PDGFD: variants seen among roughly 807,000 people sequenced by gnomAD.
PDGFD encodes the protein platelet-derived growth factor D.
A neutral mutation model predicts 44.7 loss-of-function variants in PDGFD; 30 were observed. That is an observed-to-expected ratio of 0.67 (90% confidence interval 0.50 to 0.91). The LOEUF (loss-of-function observed/expected upper bound fraction) is 0.91. Among genes scored for constraint, PDGFD ranks in the 40% least tolerant of loss-of-function variants. The probability of loss-of-function intolerance (pLI) is 0.00; values close to 1 mark genes in which losing one functional copy is unlikely to be tolerated. For missense variants in PDGFD, 445 were observed against 457.8 expected (o/e 0.97, Z 0.25); for synonymous variants, 173 against 168.4 (o/e 1.03, Z -0.21).
chr11:104,024,194 T>C (rs1242898975), intron 1 of PDGFD, among the ~76,000 whole-genome samples: 1 of 152,010 alleles, frequency 6.6e-6, no homozygotes, highest in East Asian at 1.9e-4. Flanking sequence ...GGTTATAAAT[T>C]AAGATAAAAT....
At chr11:104,023,239 G>A (rs1175668795) in intron 1 of PDGFD, among the ~76,000 whole-genome samples, 1 of 152,114 alleles carries the variant, frequency 6.6e-6, no homozygotes, top group East Asian at 1.9e-4. Flanking sequence ...AACAGAAAAC[G>A]CCGTCTGAAC....
At chr11:103,922,651 G>T (rs1858243667) in intron 6 of PDGFD, among the ~76,000 whole-genome samples, 1 of 152,126 alleles carries the variant, frequency 6.6e-6, no homozygotes, top group South Asian at 2.1e-4. Context: ...CTGGGCTCAA[G>T]CAATTCTCCT....
intron 1 of PDGFD, among the ~76,000 whole-genome samples, chr11:104,011,588 A>G (rs555549538): frequency 1.6e-4 from 24 of 152,192 alleles, no homozygotes; most frequent in African/African-American, 5.1e-4. Context: ...CAGAGTTTTC[A>G]TAGATTTTGT....
At chr11:104,061,240 C>G (rs1860712066) in intron 1 of PDGFD, among the ~76,000 whole-genome samples, 1 of 151,550 alleles carries the variant, frequency 6.6e-6, no homozygotes, top group African/African-American at 2.4e-5. Flanking sequence ...GAAAATAATT[C>G]TTAGCCATGA....
At chr11:104,013,548 G>T (rs1859815303) in intron 1 of PDGFD, among the ~76,000 whole-genome samples, 1 of 152,038 alleles carries the variant, frequency 6.6e-6, no homozygotes, top group Non-Finnish European at 1.5e-5. Flanking sequence ...GAGCCATACA[G>T]GACTGTTGCA....
At chr11:104,101,777 T>C (rs146077043) in intron 1 of PDGFD, among the ~76,000 whole-genome samples, 8,485 of 151,820 alleles carry the variant, frequency 0.056, 462 homozygotes, top group African/African-American at 0.12. Flanking sequence ...ATGCCGCATA[T>C]CTACAACTAT....
rs1356386940 is a variant in PDGFD at position 104,119,552 on chromosome 11, TG to T, written c.124+44251del. 1.7e-4 allele frequency among the ~76,000 whole-genome samples: 15 copies of T among 86,902 alleles called. 2 individuals are homozygous for T. The highest frequency in any genetic ancestry group is 4.1e-4 in the Admixed American group (2 of 4,928). The allele number at this position is 86,902 out of a possible 152,430, so 57.0% of individuals were successfully genotyped here. A position where few individuals can be genotyped will look rare whatever the true frequency, so the allele number is the denominator to read the frequency against. ...TGATATAATATATAATATAATATATTGATATAATATATAATATATTAATATA... is the reference window on the plus strand; with the variant it reads ...TGATATAATATATAATATAATATATTATATAATATATAATATATTAATATA... On this transcript the variant is annotated intron_variant, in intron 1 of 6. Coordinates refer to ENST00000393158, the MANE Select transcript of PDGFD (RefSeq NM_025208.5).
chr11:104,122,993 A>G (rs1861798473), intron 1 of PDGFD, among the ~76,000 whole-genome samples: 1 of 152,100 alleles, frequency 6.6e-6, no homozygotes, highest in South Asian at 2.1e-4. Context: ...CTGTATTTAC[A>G]TTTTTGTCCC....
chr11:104,025,776 G>A lies in PDGFD; in HGVS notation c.125-25521C>T, dbSNP rs192714721. 2.9e-3 allele frequency among the ~76,000 whole-genome samples: 449 copies of A among 152,300 alleles called. 16 individuals are homozygous for A. The highest frequency in any genetic ancestry group is 0.027 in the Admixed American group (417 of 15,306). On this transcript the variant is annotated intron_variant, in intron 1 of 6. Transcript: ENST00000393158. ...ATGAGGCAGGGCAGCAACAGTGTCT[G>A]CTTCAAAAGAACAAGCATCACAGAA... is the stretch of plus-strand genomic sequence containing the variant.
At chr11:103,975,730 A>T (rs1459193877) in intron 3 of PDGFD, among the ~76,000 whole-genome samples, 1 of 152,150 alleles carries the variant, frequency 6.6e-6, no homozygotes, top group African/African-American at 2.4e-5. Flanking sequence ...CACTTTTCCC[A>T]GCACCATTTA....
intron 1 of PDGFD, among the ~76,000 whole-genome samples, chr11:104,033,177 T>C (rs981395953): frequency 4.6e-5 from 7 of 152,102 alleles, no homozygotes; most frequent in African/African-American, 9.6e-5. Context: ...ATTATACATA[T>C]GGTATTTGAA....
At chr11:104,077,317 TGAA>T (rs915676497) in intron 1 of PDGFD, among the ~76,000 whole-genome samples, 1 of 151,994 alleles carries the variant, frequency 6.6e-6, no homozygotes, top group Non-Finnish European at 1.5e-5. Flanking sequence ...AGGGTAGAGA[TGAA>T]GAAGGAAGGA....
intron 3 of PDGFD, among the ~76,000 whole-genome samples, chr11:103,949,107 A>G (rs1271075752): frequency 1.4e-5 from 2 of 147,674 alleles, no homozygotes; most frequent in Non-Finnish European, 3.0e-5. Context: ...GGTTCAAGCA[A>G]TTCTCCTGCC....
At chr11:104,126,441 G>A (rs566073715) in intron 1 of PDGFD, among the ~76,000 whole-genome samples, 40 of 152,234 alleles carry the variant, frequency 2.6e-4, no homozygotes, top group Non-Finnish European at 4.1e-4. Flanking sequence ...TGTACAAGGT[G>A]GGGAAGATAT....
intron 3 of PDGFD, among the ~76,000 whole-genome samples, chr11:103,958,320 T>C (rs1433871388): frequency 6.6e-6 from 1 of 152,214 alleles, no homozygotes; most frequent in Non-Finnish European, 1.5e-5. Flanking sequence ...TAATCCTTTT[T>C]ATAAAATAAA....
intron 6 of PDGFD, among the ~76,000 whole-genome samples, chr11:103,915,404 C>G (rs899692281): frequency 6.6e-6 from 1 of 152,124 alleles, no homozygotes; most frequent in Non-Finnish European, 1.5e-5. Flanking sequence ...CACGTAGGAA[C>G]TCTTCAAGGA....
chr11:104,113,823 T>C (rs139023448), intron 1 of PDGFD, among the ~76,000 whole-genome samples: 31 of 152,220 alleles, frequency 2.0e-4, no homozygotes, highest in African/African-American at 7.5e-4. Flanking sequence ...AATAGGTATG[T>C]AGCGGTATCT....
chr11:104,097,698 T>C (rs1861306288), intron 1 of PDGFD, among the ~76,000 whole-genome samples: 2 of 152,164 alleles, frequency 1.3e-5, no homozygotes, highest in Non-Finnish European at 2.9e-5. Flanking sequence ...TTTCTAACAA[T>C]CCCCGCACCA....
At chr11:104,007,143 C>T (rs1043098605) in intron 1 of PDGFD, among the ~76,000 whole-genome samples, 5 of 152,158 alleles carry the variant, frequency 3.3e-5, no homozygotes, top group South Asian at 2.1e-4. Flanking sequence ...ACATGCCTGT[C>T]GCAAGTCCTA....
Sources: gnomAD v4.1 joint callset for allele counts (sites outside exome capture counted in the v4.1 genomes callset) on GRCh38, gnomAD v4.1.1 for gene constraint, MANE v1.5 for transcripts, NCBI Gene and HGNC (gene_info 2026-07-23, HGNC 2026-07-21) for gene names.